Variants in FBN1 observed in about 807,000 individuals in gnomAD.
FBN1 encodes fibrillin 1.
FBN1 carries 29 observed loss-of-function variants against 365.1 expected under a neutral mutation model. The ratio of observed to expected loss-of-function variants is 0.08; its 90% CI spans 0.06 to 0.11. The LOEUF (loss-of-function observed/expected upper bound fraction) is 0.11. FBN1 is among the 10% of genes least tolerant of loss of function. The pLI is 1.00. For synonymous variants in FBN1, 1,210 were observed against 1,270.5 expected (o/e 0.95, Z 1.01); for missense variants, 2,476 against 3,703.2 (o/e 0.67, Z 8.60).
chr15:48,622,402 C>T (rs1889786457), intron 2 of FBN1, among the ~76,000 whole-genome samples: 1 of 152,146 alleles, frequency 6.6e-6, no homozygotes. Context: ...ACTATCTGAG[C>T]TATGACTTGA....
intron 6 of FBN1, among the ~76,000 whole-genome samples, chr15:48,589,908 G>A (rs1187120759): frequency 6.6e-6 from 1 of 152,066 alleles, no homozygotes; most frequent in African/African-American, 2.4e-5. Flanking sequence ...GAGCCACCAC[G>A]CCCTGCCACA....
intron 29 of FBN1, among the ~76,000 whole-genome samples, chr15:48,486,266 C>T (rs993707198): frequency 3.3e-5 from 5 of 152,170 alleles, no homozygotes; most frequent in African/African-American, 1.2e-4. Context: ...TTTTCAATAA[C>T]CTGAGTTGAA....
In FBN1 at chr15:48,448,749, A is replaced by G. The variant is rs766124251; in HGVS notation, c.5671+19T>C. On this transcript the variant is annotated intron_variant, in intron 46 of 65. Transcript: ENST00000316623. ...CTTTCAACAGCATATGAAAAAAATA[A>G]TAATAATTGCATACTTACCCAAGCA... 31 of 1,609,528 alleles carry G rather than the reference A, an allele frequency of 1.9e-5. No homozygotes were observed. Among genetic ancestry groups the G allele is most frequent in the Non-Finnish European group, 2.4e-5 (28 of 1,177,464 alleles).
At chr15:48,480,518 TC>T (rs2043457981) in intron 32 of FBN1, among the ~76,000 whole-genome samples, 1 of 152,118 alleles carries the variant, frequency 6.6e-6, no homozygotes, top group South Asian at 2.1e-4. Context: ...ATGAAAACAT[TC>T]CAGCTTCATG....
chr15:48,567,318 AT>A (rs1225622632), intron 6 of FBN1, among the ~76,000 whole-genome samples: 1 of 152,200 alleles, frequency 6.6e-6, no homozygotes, highest in African/African-American at 2.4e-5. Flanking sequence ...GTTTTATTAT[AT>A]TTTTAAAGTA....
At chr15:48,623,782 G>A (rs1245316426) in intron 2 of FBN1, among the ~76,000 whole-genome samples, 2 of 152,170 alleles carry the variant, frequency 1.3e-5, no homozygotes, top group Non-Finnish European at 2.9e-5. Flanking sequence ...CAGCACAAAG[G>A]TGTTGCATCA....
intron 2 of FBN1, among the ~76,000 whole-genome samples, chr15:48,617,232 C>T (rs1676530263): frequency 6.6e-6 from 1 of 151,834 alleles, no homozygotes; most frequent in Admixed American, 6.6e-5. Flanking sequence ...TGGAGTGCAA[C>T]AGTGCGATCT....
At chr15:48,538,891 G>A (rs565261640) in intron 6 of FBN1, among the ~76,000 whole-genome samples, 10 of 152,142 alleles carry the variant, frequency 6.6e-5, no homozygotes, top group South Asian at 2.1e-4. Context: ...ACCTGTGAAC[G>A]CAACAGTTTT....
At chr15:48,427,539 A>C (rs559987023) in intron 58 of FBN1, 28 bp downstream of exon 58, 1 of 1,596,728 alleles carries the variant, frequency 6.3e-7, no homozygotes, top group Non-Finnish European at 8.6e-7. Context: ...GATTCCCTGC[A>C]AGTATTTTTG....
intron 6 of FBN1, among the ~76,000 whole-genome samples, chr15:48,568,082 A>AAGAC (rs1555403296): frequency 1.0e-4 from 15 of 150,016 alleles, no homozygotes; most frequent in Non-Finnish European, 7.4e-5. Context: ...GAAAGAAAGA[A>AAGAC]AGACTATCTT....
At chr15:48,643,739 T>A (rs1398212005) in intron 2 of FBN1, 1 of 151,834 alleles carries the variant, frequency 6.6e-6, no homozygotes, top group Non-Finnish European at 1.5e-5. Flanking sequence ...ATAAAAGGGG[T>A]CACTGACAGT....
chr15:48,511,884 T>G (rs2043763371), intron 13 of FBN1, among the ~76,000 whole-genome samples: 2 of 152,220 alleles, frequency 1.3e-5, no homozygotes, highest in South Asian at 4.1e-4. Context: ...CACCTCTCTT[T>G]GCTTATTTAA....
In FBN1 at chr15:48,596,351, C is replaced by A; in HGVS notation, c.470G>T (p.Gly157Val). ...TCGATTTGGGGCCACACACCTTCCT[C>A]CATTGAGACAGCCACTTTCACAAAC... is the stretch of plus-strand genomic sequence containing the variant. The part of the protein sequence containing the change: ...QPVCESGCLN[G>V]GRCVAPNRCA... Residue 157 changes from glycine to valine, a missense_variant, in exon 6 of 66, where the codon GGA becomes GTA. Coordinates refer to ENST00000316623, the MANE Select transcript of FBN1 (RefSeq NM_000138.5). The A allele has an allele frequency of 6.2e-7, 1 of 1,614,078 alleles. No homozygotes were observed. Among genetic ancestry groups the A allele is most frequent in the Non-Finnish European group, 8.5e-7 (1 of 1,179,916 alleles).
chr15:48,555,903 T>C (rs2044176393), intron 6 of FBN1, among the ~76,000 whole-genome samples: 1 of 152,200 alleles, frequency 6.6e-6, no homozygotes, highest in South Asian at 2.1e-4. Flanking sequence ...TAAATAGGCT[T>C]TTGCCTTCTA....
At chr15:48,488,524 A>T (rs1204097173) in intron 25 of FBN1, 31 bp from the exon 26 acceptor site, 1 of 1,609,260 alleles carries the variant, frequency 6.2e-7, no homozygotes, top group South Asian at 1.1e-5. Context: ...GGGGCAAAAT[A>T]AGTTTATGAG....
chr15:48,457,989 G>T (rs1446026144), intron 43 of FBN1, among the ~76,000 whole-genome samples: 1 of 152,144 alleles, frequency 6.6e-6, no homozygotes, highest in Non-Finnish European at 1.5e-5. Flanking sequence ...AATCTTCACA[G>T]AACTGTCATC....
In FBN1 at chr15:48,445,360, T is replaced by C; in HGVS notation, c.5917+16A>G. ...TGGAAGCATTCTTTCCAGGTCTTTC[T>C]AAGTCCTGTACTTACCCACACAGGT... On this transcript the variant is annotated intron_variant, in intron 48 of 65. Transcript: ENST00000316623. The C allele has an allele frequency of 6.2e-7, 1 of 1,611,892 alleles. No homozygotes were observed. Among genetic ancestry groups the C allele is most frequent in the Non-Finnish European group, 8.5e-7 (1 of 1,178,626 alleles).
At chr15:48,642,265 G>GCTA (rs1240696923) in intron 2 of FBN1, 1 of 152,250 alleles carries the variant, frequency 6.6e-6, no homozygotes. Context: ...TGTAATCCCA[G>GCTA]CTACTCTGGA....
At position 48,489,876 on chromosome 15, in the gene FBN1, A is replaced by C; in HGVS notation, c.3057T>G (p.Ile1019Met). Residue 1019 changes from isoleucine to methionine, a missense_variant, in exon 25 of 66, where the codon ATT becomes ATG. Ile to Met is a conservative substitution (Grantham distance 10). Transcript: ENST00000316623. ...PRGPGFATKE[I>M]TNGKPFFKDI... Reference sequence around the variant, plus strand: ...CTTTGAAGAAAGGCTTTCCATTTGTAATTTCTTTTGTGGCAAATCCGGGTC... The same window carrying C: ...CTTTGAAGAAAGGCTTTCCATTTGTCATTTCTTTTGTGGCAAATCCGGGTC... 3 of 1,614,110 alleles carry C rather than the reference A, an allele frequency of 1.9e-6. No individual in the cohort carries two copies. Among genetic ancestry groups the C allele is most frequent in the Non-Finnish European group, 2.5e-6 (3 of 1,180,000 alleles).
Sources: gnomAD v4.1 joint callset for allele counts (sites outside exome capture counted in the v4.1 genomes callset) on GRCh38, gnomAD v4.1.1 for gene constraint, MANE v1.5 for transcripts, NCBI Gene and HGNC (gene_info 2026-07-23, HGNC 2026-07-21) for gene names.